The following TRAF6 variants were observed in gnomAD, a reference collection of about 807,000 sequenced individuals.
TRAF6 encodes TNF receptor associated factor 6, also known as TNF receptor-associated factor 6.
TRAF6 carries 10 observed loss-of-function variants against 48.4 expected under a neutral mutation model. The observed-to-expected ratio is 0.21, with a 90% CI of 0.13 to 0.35. The LOEUF is 0.35. Ranked by LOEUF, TRAF6 falls within the 10% of genes least tolerant of loss-of-function variation. The probability of loss-of-function intolerance (pLI) is 1.00; values close to 1 mark genes in which losing one functional copy is unlikely to be tolerated. For synonymous variants in TRAF6, 186 were observed against 219.6 expected, an observed-to-expected ratio of 0.85 and a Z score of 1.35; for missense variants, 397 against 661.0, an observed-to-expected ratio of 0.60 and a Z score of 4.38.
At position 36,489,443 on chromosome 11, in the gene TRAF6, A is replaced by G. The variant is rs754093234; in HGVS notation, c.*395T>C. ...GATTTTCACTTTTAATATATTACAT[A>G]TAATACTACAAAAAGACTGAAGTTT... On this transcript the variant is annotated 3_prime_UTR_variant, in exon 7 of 7. Coordinates refer to ENST00000526995, the MANE Select transcript of TRAF6 (RefSeq NM_004620.4). 7 of 187,500 alleles carry G rather than the reference A, an allele frequency of 3.7e-5. No homozygotes were observed. Among genetic ancestry groups the G allele is most frequent in the Non-Finnish European group, 6.7e-5 (6 of 89,194 alleles). The allele number at this position is 187,500 out of a possible 1,614,324, so 11.6% of individuals were successfully genotyped here.
intron 3 of TRAF6, 87 bp from the exon 4 acceptor site, chr11:36,497,353 C>A: frequency 1.6e-6 from 2 of 1,273,994 alleles, no homozygotes; most frequent in Non-Finnish European, 1.1e-6. Context: ...TGTTCTCTTT[C>A]AGCAGGCTAC....
In TRAF6 at chr11:36,498,481, C is replaced by T. The variant is rs763745942; in HGVS notation, c.447+9G>A. The T allele has an allele frequency of 6.2e-7, 1 of 1,603,538 alleles. No homozygotes were observed. Among genetic ancestry groups the T allele is most frequent in the Non-Finnish European group, 8.5e-7 (1 of 1,177,128 alleles). On this transcript the variant is annotated intron_variant, in intron 3 of 6. Coordinates refer to ENST00000526995, the MANE Select transcript of TRAF6 (RefSeq NM_004620.4). The stretch of plus-strand genomic sequence containing the variant: ...ACATGTGCTAACAGCTAGAAAAGAA[C>T]TTTAATACCTCAAGATGTCTCAGTT...
intron 4 of TRAF6, 105 bp downstream of exon 4, chr11:36,497,003 C>CA: frequency 1.7e-6 from 2 of 1,200,756 alleles, no homozygotes; most frequent in Non-Finnish European, 2.3e-6. Flanking sequence ...AATGTAGACT[C>CA]AGAGTCGGAG....
chr11:36,503,179 A>G (rs182547425), intron 1 of TRAF6, among the ~76,000 whole-genome samples: 2 of 152,274 alleles, frequency 1.3e-5, no homozygotes, highest in East Asian at 1.9e-4. Flanking sequence ...CCTTTATTTT[A>G]TTACACTAAA....
chr11:36,502,621 C>T (rs1194144948), intron 1 of TRAF6, among the ~76,000 whole-genome samples: 3 of 152,050 alleles, frequency 2.0e-5, no homozygotes, highest in Non-Finnish European at 4.4e-5. Context: ...GTACTCAATC[C>T]TTTTACCACT....
rs923255895 is a variant in TRAF6 at position 36,486,378 on chromosome 11, C to T, written c.*3460G>A. On this transcript the variant is annotated 3_prime_UTR_variant, in exon 7 of 7. Coordinates refer to ENST00000526995, the MANE Select transcript of TRAF6 (RefSeq NM_004620.4). ...ATAAAATAATGAGTAGAACTTGAGG[C>T]AAGCCAAGAGAACAGTGTTAGTACA... 1.3e-5 allele frequency among the ~76,000 whole-genome samples: 2 copies of T among 152,102 alleles called. No homozygotes were observed. Among genetic ancestry groups the T allele is most frequent in the Non-Finnish European group, 2.9e-5 (2 of 68,038 alleles).
At chr11:36,496,526 G>A (rs1328878385) in intron 4 of TRAF6, 2 of 152,496 alleles carry the variant, frequency 1.3e-5, no homozygotes, top group African/African-American at 4.8e-5. Flanking sequence ...GTTGTGGTGA[G>A]CTGAGATCAT....
At chr11:36,506,744 G>A (rs1007165658) in intron 1 of TRAF6, among the ~76,000 whole-genome samples, 1 of 152,118 alleles carries the variant, frequency 6.6e-6, no homozygotes, top group African/African-American at 2.4e-5. Flanking sequence ...ACATAAAAGT[G>A]AGCATGTTCA....
At position 36,486,354 on chromosome 11, in the gene TRAF6, T is replaced by C. The variant is rs540542606; in HGVS notation, c.*3484A>G. Among the ~76,000 whole-genome samples the C allele has an allele frequency of 4.1e-4, 62 of 152,242 alleles. 1 individual carries two copies. In the South Asian group the frequency reaches 0.012, roughly 29 times the overall value. ...GTGCCCAGCCTAATAGTATTTTATA[T>C]AAAATAATGAGTAGAACTTGAGGCA... On this transcript the variant is annotated 3_prime_UTR_variant, in exon 7 of 7. Transcript: ENST00000526995.
chr11:36,484,126 C>T lies in TRAF6; in HGVS notation c.*5712G>A, dbSNP rs1382849604. Among the ~76,000 whole-genome samples, 6 of 152,178 alleles carry T rather than the reference C, an allele frequency of 3.9e-5. No homozygotes were observed. The highest frequency in any genetic ancestry group is 7.3e-5 in the Non-Finnish European group (5 of 68,042). On this transcript the variant is annotated 3_prime_UTR_variant, in exon 7 of 7. Transcript: ENST00000526995. ...TTGTATTGACCTGATGGAGGCCATC[C>T]GAGGTTTCACTGCCATTAGGAGCAG...
chr11:36,492,776 T>C, intron 5 of TRAF6, 148 bp from the exon 6 acceptor site: 2 of 587,014 alleles, frequency 3.4e-6, no homozygotes, highest in Non-Finnish European at 6.0e-6. Context: ...CCCACAAAAA[T>C]TAAAAGAACA....
In TRAF6 at chr11:36,492,612, T is replaced by C; in HGVS notation, c.695A>G (p.Asp232Gly). Residue 232 changes from aspartate (D) to glycine (G), a missense_variant, in exon 6 of 7, where the codon GAT becomes GGT. Coordinates refer to ENST00000526995, the MANE Select transcript of TRAF6 (RefSeq NM_004620.4). ...LIREQMPNHY[D>G]LDCPTAPIPC... ...AATTGGGGCTGTAGGGCAGTCTAGATCATAATGATTAGGCATCTGAAATCC... is the reference window on the plus strand; with the variant it reads ...AATTGGGGCTGTAGGGCAGTCTAGACCATAATGATTAGGCATCTGAAATCC... 6.2e-7 allele frequency: 1 copy of C among 1,609,796 alleles called. No individual in the cohort carries two copies. The highest frequency in any genetic ancestry group is 8.5e-7 in the Non-Finnish European group (1 of 1,178,914).
At position 36,488,617 on chromosome 11, in the gene TRAF6, T is replaced by C. The variant is rs1336475045; in HGVS notation, c.*1221A>G. On this transcript the variant is annotated 3_prime_UTR_variant, in exon 7 of 7. Transcript: ENST00000526995. The stretch of plus-strand genomic sequence containing the variant: ...ATATAGGCCTTTAACAAATACATGA[T>C]GGCACACAAAAAAATCATCTCCCTA... 6.6e-6 allele frequency: 1 copy of C among 152,110 alleles called. No homozygotes were observed. The highest frequency in any genetic ancestry group is 1.5e-5 in the Non-Finnish European group (1 of 68,018). 9.4% of individuals were successfully genotyped at this position (152,110 alleles called of 1,614,324 possible).
rs1005580709 is a variant in TRAF6 at position 36,490,962 on chromosome 11, C to T, written c.757-312G>A. On this transcript the variant is annotated intron_variant, in intron 6 of 6. Transcript: ENST00000526995. The surrounding 1 kb of genome is among the most constrained non-coding windows in gnomAD (Gnocchi z 6.4). Reference sequence around the variant, plus strand: ...GCCTGTCCTCTCCAAGATTAACATTCTACCTGTGCTCTAAATGTTACCTGA... The same window carrying T: ...GCCTGTCCTCTCCAAGATTAACATTTTACCTGTGCTCTAAATGTTACCTGA... 6.6e-6 allele frequency among the ~76,000 whole-genome samples: 1 copy of T among 152,216 alleles called. No individual in the cohort carries two copies. The highest frequency in any genetic ancestry group is 2.4e-5 in the African/African-American group (1 of 41,452).
intron 1 of TRAF6, chr11:36,501,746 T>C (rs963651706): frequency 1.5e-5 from 5 of 330,504 alleles, no homozygotes; most frequent in East Asian, 9.7e-5. Context: ...TAAATATATA[T>C]ATTATTATTT....
chr11:36,506,583 G>C (rs887685798), intron 1 of TRAF6, among the ~76,000 whole-genome samples: 10 of 152,132 alleles, frequency 6.6e-5, no homozygotes, highest in African/African-American at 2.4e-4. Context: ...TTATTGGATA[G>C]TCTATACACT....
At chr11:36,509,376 G>T (rs1349316639) in intron 1 of TRAF6, among the ~76,000 whole-genome samples, 1 of 151,308 alleles carries the variant, frequency 6.6e-6, no homozygotes, top group East Asian at 1.9e-4. Context: ...ACAATCGCTC[G>T]AACTACCGAG....
At position 36,487,642 on chromosome 11, in the gene TRAF6, A is replaced by G. The variant is rs1031761611; in HGVS notation, c.*2196T>C. On this transcript the variant is annotated 3_prime_UTR_variant, in exon 7 of 7. Transcript: ENST00000526995. ...AGACAGAATGTTATGGCTGGAGGGG[A>G]CTCTAGAAATATCTGGTCCAAATCA... 6.6e-6 allele frequency: 1 copy of G among 152,048 alleles called. No individual in the cohort carries two copies. Among genetic ancestry groups the G allele is most frequent in the Non-Finnish European group, 1.5e-5 (1 of 68,014 alleles). The allele number at this position is 152,048 out of a possible 1,614,324, so 9.4% of individuals were successfully genotyped here.
intron 2 of TRAF6, among the ~76,000 whole-genome samples, chr11:36,500,912 A>C (rs1031390561): frequency 1.5e-4 from 23 of 152,112 alleles, no homozygotes; most frequent in Non-Finnish European, 2.2e-4. Context: ...AGGTACATTT[A>C]AAAAATACTA....
Sources: allele counts gnomAD v4.1 joint callset (sites outside exome capture counted in the v4.1 genomes callset), GRCh38; gene constraint gnomAD v4.1.1; non-coding constraint Gnocchi (gnomAD v3.1); transcripts MANE v1.5; gene names NCBI Gene and HGNC (gene_info 2026-07-23, HGNC 2026-07-21).